HSPA12B: variants seen among roughly 807,000 people sequenced by gnomAD.
HSPA12B encodes the protein heat shock 70 kDa protein 12B.
A neutral mutation model predicts 69.3 loss-of-function variants in HSPA12B; 54 were observed. That is an observed-to-expected ratio of 0.78 (90% CI 0.63 to 0.98). The LOEUF is 0.98. HSPA12B is among the 50% of genes least tolerant of loss of function. The pLI, the probability that HSPA12B is intolerant of heterozygous loss-of-function variation, is 0.00. For missense variants in HSPA12B, 929 were observed against 999.8 expected, an observed-to-expected ratio of 0.93 and a Z score of 0.96; for synonymous variants, 441 against 436.5, an observed-to-expected ratio of 1.01 and a Z score of -0.13.
intron 2 of HSPA12B, among the ~76,000 whole-genome samples, chr20:3,739,891 C>A (rs754404891): frequency 6.6e-6 from 1 of 152,194 alleles, no homozygotes; most frequent in Non-Finnish European, 1.5e-5. Context: ...CCTAGCCAGC[C>A]TCCCTGGCCT....
chr20:3,751,665 C>T lies in HSPA12B; in HGVS notation c.1560C>T (p.Ile520=). Residue 520 remains isoleucine, a synonymous_variant, in exon 13 of 13, where the codon ATC becomes ATT. Transcript: ENST00000254963. ...TCCCGCACGACGTGGGCCTCACCAT[C>T]CTCAAAGGCGCGGTGCTGTTCGGCC... The part of the protein sequence containing the change: ...VVVPHDVGLT[I]LKGAVLFGQA... 2.0e-6 allele frequency: 3 copies of T among 1,520,022 alleles called. No homozygotes were observed. The highest frequency in any genetic ancestry group is 2.6e-6 in the Non-Finnish European group (3 of 1,138,560). 94.2% of individuals were successfully genotyped at this position (1,520,022 alleles called of 1,614,324 possible). A position where few individuals can be genotyped will look rare whatever the true frequency, so the allele number is the denominator to read the frequency against.
At position 3,749,985 on chromosome 20, in the gene HSPA12B, G is replaced by C. The variant is rs34259366; in HGVS notation, c.1059G>C (p.Ala353=). The part of the protein sequence containing the change: ...LYKASGGPYG[A]VGVDLAFEQL... ...CCACCCCAGGGGGCCCTTATGGCGC[G>C]GTGGGCGTGGACCTGGCCTTCGAGC... The change falls in exon 11 of 13, where the codon GCG becomes GCC. Residue 353 remains alanine (A), a synonymous_variant. Coordinates refer to ENST00000254963, the MANE Select transcript of HSPA12B (RefSeq NM_052970.5). This position sits in a 1 kb window ranked among gnomAD's most constrained non-coding sequence, Gnocchi z 5.5. 7 of 1,571,742 alleles carry C rather than the reference G, an allele frequency of 4.5e-6. No individual in the cohort carries two copies. The highest frequency in any genetic ancestry group is 2.3e-5 in the South Asian group (2 of 86,494).
Position 3,751,504 on chromosome 20 carries a change from C to G in HSPA12B, c.1406-7C>G. The G allele has an allele frequency of 7.1e-7, 1 of 1,413,570 alleles. No individual in the cohort carries two copies. Among genetic ancestry groups the G allele is most frequent in the South Asian group, 1.6e-5 (1 of 63,710 alleles). The allele number at this position is 1,413,570 out of a possible 1,614,324, so 87.6% of individuals were successfully genotyped here. A position where few individuals can be genotyped will look rare whatever the true frequency, so the allele number is the denominator to read the frequency against. On this transcript the variant is annotated splice_polypyrimidine_tract_variant and splice_region_variant and intron_variant, in intron 12 of 12. Transcript: ENST00000254963. ...CTTCACCCGCGTCCCCCCGTCCTGT[C>G]CCGCAGAGGCCCTGCTGGCACGGCC...
Position 3,751,575 on chromosome 20 carries a change from C to A in HSPA12B, c.1470C>A (p.Ala490=). ...TGCTGTTCCTAGTGGGCGGCTTCGC[C>A]GAGTCAGCGGTGCTGCAGCACGCGG... The part of the protein sequence containing the change: ...VKLLFLVGGF[A]ESAVLQHAVQ... Residue 490 remains alanine, a synonymous_variant, in exon 13 of 13, where the codon GCC becomes GCA. Coordinates refer to ENST00000254963, the MANE Select transcript of HSPA12B (RefSeq NM_052970.5). 2 of 1,496,378 alleles carry A rather than the reference C, an allele frequency of 1.3e-6. No individual in the cohort carries two copies. Among genetic ancestry groups the A allele is most frequent in the Non-Finnish European group, 8.9e-7 (1 of 1,125,316 alleles). 92.7% of individuals were successfully genotyped at this position (1,496,378 alleles called of 1,614,324 possible).
At position 3,737,233 on chromosome 20, in the gene HSPA12B, G is replaced by C. The variant is rs2146554830; in HGVS notation, c.-17-1425G>C. Reference sequence around the variant, plus strand: ...ACTTTGAGTAACAAAGCTGTTGATGGTTTGAAATATCCTGCCTATAGCCTG... The same window carrying C: ...ACTTTGAGTAACAAAGCTGTTGATGCTTTGAAATATCCTGCCTATAGCCTG... On this transcript the variant is annotated intron_variant, in intron 1 of 12. Coordinates refer to ENST00000254963, the MANE Select transcript of HSPA12B (RefSeq NM_052970.5). This position sits in a 1 kb window ranked among gnomAD's most constrained non-coding sequence, Gnocchi z 4.1. Among the ~76,000 whole-genome samples the C allele has an allele frequency of 6.6e-6, 1 of 152,280 alleles. No individual in the cohort carries two copies. The highest frequency in any genetic ancestry group is 6.5e-5 in the Admixed American group (1 of 15,286).
At chr20:3,736,437 C>G (rs1022603182) in intron 1 of HSPA12B, among the ~76,000 whole-genome samples, 1 of 152,230 alleles carries the variant, frequency 6.6e-6, no homozygotes, top group African/African-American at 2.4e-5. Context: ...GTCCAGGTGT[C>G]TGTCCACAAT....
chr20:3,744,878 A>G lies in HSPA12B; in HGVS notation c.267-24A>G. 6.2e-7 allele frequency: 1 copy of G among 1,607,792 alleles called. No individual in the cohort carries two copies. On this transcript the variant is annotated intron_variant, in intron 4 of 12. Transcript: ENST00000254963. The surrounding 1 kb of genome is among the most constrained non-coding windows in gnomAD (Gnocchi z 4.9). ...TTCCCACCCAAGAAGGGAGGGTTGC[A>G]CTGACTGCCCTGTGCCTCCGCAGGA...
intron 12 of HSPA12B, 194 bp downstream of exon 12, chr20:3,751,101 C>CA (rs1406385994): frequency 6.4e-5 from 34 of 528,254 alleles, no homozygotes; most frequent in Non-Finnish European, 8.2e-5. Context: ...CTTGCCAAGG[C>CA]AAAAAACTTC....
chr20:3,745,023 G>C lies in HSPA12B; in HGVS notation c.388G>C (p.Asp130His), dbSNP rs1246915859. ...YTARDYYHDL[D>H]PEEARDWLYF... ...CGCCCGCGATTACTACCATGACCTGGACCCCGAAGAGGCGCGGGACTGGCT... is the reference window on the plus strand; with the variant it reads ...CGCCCGCGATTACTACCATGACCTGCACCCCGAAGAGGCGCGGGACTGGCT... Residue 130 changes from aspartate to histidine, a missense_variant, in exon 5 of 13, where the codon GAC becomes CAC. Asp to His is a moderately conservative substitution (Grantham distance 81). Transcript: ENST00000254963. This position sits in a 1 kb window ranked among gnomAD's most constrained non-coding sequence, Gnocchi z 5.6. 1.9e-6 allele frequency: 3 copies of C among 1,613,922 alleles called. No homozygotes were observed. The East Asian group carries it at 6.7e-5, about 36-fold the overall frequency.
At chr20:3,733,022 C>T (rs1362326837) in intron 1 of HSPA12B, among the ~76,000 whole-genome samples, 2 of 152,224 alleles carry the variant, frequency 1.3e-5, no homozygotes, top group African/African-American at 4.8e-5. Context: ...CTGTCCCTCG[C>T]ACAGCTGCTC....
chr20:3,744,984 A>G lies in HSPA12B; in HGVS notation c.349A>G (p.Ser117Gly). The change falls in exon 5 of 13, where the codon AGC becomes GGC. Residue 117 changes from serine to glycine, a missense_variant. Transcript: ENST00000254963. The surrounding 1 kb of genome is among the most constrained non-coding windows in gnomAD (Gnocchi z 4.9). ...LLLTPEGAFH[S>G]FGYTARDYYH... ...GCTGACTCCGGAGGGCGCCTTCCAC[A>G]GCTTTGGCTACACCGCCCGCGATTA... 6.2e-7 allele frequency: 1 copy of G among 1,613,958 alleles called. No individual in the cohort carries two copies. The highest frequency in any genetic ancestry group is 2.2e-5 in the East Asian group (1 of 44,872).
At chr20:3,741,880 G>C (rs552980069) in intron 3 of HSPA12B, among the ~76,000 whole-genome samples, 3 of 152,236 alleles carry the variant, frequency 2.0e-5, no homozygotes, top group South Asian at 4.1e-4. Flanking sequence ...AAGAGCAAGA[G>C]GATAAAATAT....
At chr20:3,751,265 ATC>A (rs892831858) in intron 12 of HSPA12B, 4 of 985,362 alleles carry the variant, frequency 4.1e-6, no homozygotes, top group African/African-American at 1.7e-5. Context: ...GCATATCCTT[ATC>A]TCTCGTCCTC....
In HSPA12B at chr20:3,751,938, C is replaced by T. The variant is rs1407529583; in HGVS notation, c.1833C>T (p.Cys611=). ...GCGTACTCATCAACCTGTACTGCTG[C>T]GCGGCAGAGGATGCGCGCTTCATCA... ...QRRVLINLYC[C]AAEDARFITD... Residue 611 remains cysteine (C), a synonymous_variant, in exon 13 of 13, where the codon TGC becomes TGT. Coordinates refer to ENST00000254963, the MANE Select transcript of HSPA12B (RefSeq NM_052970.5). The T allele has an allele frequency of 6.3e-7, 1 of 1,587,510 alleles. No individual in the cohort carries two copies. Among genetic ancestry groups the T allele is most frequent in the Non-Finnish European group, 8.5e-7 (1 of 1,171,780 alleles).
chr20:3,736,122 A>C (rs969845054), intron 1 of HSPA12B, among the ~76,000 whole-genome samples: 2 of 152,196 alleles, frequency 1.3e-5, no homozygotes, highest in African/African-American at 2.4e-5. Context: ...AATTGGGAAG[A>C]GATAGAAAGA....
chr20:3,749,382 G>A lies in HSPA12B; in HGVS notation c.937+64G>A. On this transcript the variant is annotated intron_variant, in intron 9 of 12. Transcript: ENST00000254963. The surrounding 1 kb of genome is among the most constrained non-coding windows in gnomAD (Gnocchi z 5.5). ...TACCGGGCACCATATACTGATGGGG[G>A]GAAGGGCATGTTTGCAAAGCCCGTC... The A allele has an allele frequency of 7.1e-7, 1 of 1,411,124 alleles. No homozygotes were observed. The highest frequency in any genetic ancestry group is 9.9e-7 in the Non-Finnish European group (1 of 1,011,760). The allele number at this position is 1,411,124 out of a possible 1,614,324, so 87.4% of individuals were successfully genotyped here.
chr20:3,748,483 G>A, intron 8 of HSPA12B, 92 bp downstream of exon 8: 1 of 1,234,594 alleles, frequency 8.1e-7, no homozygotes, highest in African/African-American at 1.6e-5. Flanking sequence ...AAGGGGAGAG[G>A]GTACCCACCC....
At chr20:3,734,737 ATTTTTTTT>A (rs35209985) in intron 1 of HSPA12B, among the ~76,000 whole-genome samples, 1 of 120,312 alleles carries the variant, frequency 8.3e-6, no homozygotes, top group Non-Finnish European at 1.7e-5. Flanking sequence ...CTTTAACACA[ATTTTTTTT>A]TTTTTTTTTT....
Position 3,750,054 on chromosome 20 carries a change from C to A in HSPA12B, c.1128C>A (p.Phe376Leu). Residue 376 changes from phenylalanine to leucine, a missense_variant, in exon 11 of 13, where the codon TTC (phenylalanine) becomes TTA (leucine). This residue lies in a region of HSPA12B where 477 missense variants were observed against 535.2 expected (regional missense o/e 0.89). Coordinates refer to ENST00000254963, the MANE Select transcript of HSPA12B (RefSeq NM_052970.5). ...RIFGEDFIAT[F>L]KRQRPAAWVD... Reference sequence around the variant, plus strand: ...TCGGCGAGGACTTCATCGCCACCTTCAAAAGGCAACGGCCGGCAGCCTGGG... The same window carrying A: ...TCGGCGAGGACTTCATCGCCACCTTAAAAAGGCAACGGCCGGCAGCCTGGG... 6.2e-7 allele frequency: 1 copy of A among 1,610,090 alleles called. No homozygotes were observed. The highest frequency in any genetic ancestry group is 2.2e-5 in the East Asian group (1 of 44,762).
Sources: allele counts gnomAD v4.1 joint callset (sites outside exome capture counted in the v4.1 genomes callset), GRCh38; gene constraint gnomAD v4.1.1; regional missense constraint gnomAD v4.1.1; non-coding constraint Gnocchi (gnomAD v3.1); transcripts MANE v1.5; gene names NCBI Gene and HGNC (gene_info 2026-07-23, HGNC 2026-07-21).